BICDL2: variants seen among roughly 807,000 people sequenced by gnomAD.
The protein encoded by BICDL2 is BICD family like cargo adaptor 2, also known as BICD family-like cargo adapter 2.
A neutral mutation model predicts 56.6 loss-of-function variants in BICDL2; 62 were observed. The ratio of observed to expected loss-of-function variants is 1.10; its 90% CI spans 0.89 to 1.35. BICDL2 has a LOEUF of 1.35. BICDL2 is among the 40% of genes most tolerant of loss of function. BICDL2 has a pLI of 0.00. For synonymous variants in BICDL2, 358 were observed against 319.8 expected (o/e 1.12, Z -1.27); for missense variants, 808 against 684.5 (o/e 1.18, Z -2.01).
rs528171556 is a variant in BICDL2, at chr16:3,028,739, A to C, written c.1199T>G (p.Leu400Arg). ...GTCCCGGTCTGAGAGGGCACTGTGC[A>C]GGGCCTCCCCAGGGTCTTCCTGCGC... ...LRAQEDPGEA[L>R]HSALSDRDEA... The change falls in exon 8 of 10, where the codon CTG becomes CGG. Residue 400 changes from leucine (L) to arginine (R), a missense_variant. Physicochemically the swap from Leu to Arg is moderately radical, Grantham distance 102. Transcript: ENST00000572449. The C allele has an allele frequency of 3.7e-5, 58 of 1,565,834 alleles. No individual in the cohort carries two copies. The highest frequency in any genetic ancestry group is 4.9e-5 in the Non-Finnish European group (57 of 1,155,386).
rs1955720959 is a variant in BICDL2 at position 3,035,419 on chromosome 16, G to A, written c.78C>T (p.Phe26=). The A allele has an allele frequency of 6.2e-7, 1 of 1,612,548 alleles. No homozygotes were observed. Among genetic ancestry groups the A allele is most frequent in the Admixed American group, 1.7e-5 (1 of 59,996 alleles). ...CCCGCCGCTCCAGCACAAAGGGGAA[G>A]AAGCCCTCGTCGCCGCTGGGAGAGG... ...GGASPSGDEG[F]FPFVLERRDS... is the part of the protein sequence containing the mutation. The change falls in exon 2 of 10, where the codon TTC becomes TTT. Residue 26 remains phenylalanine (F), a synonymous_variant. Coordinates refer to ENST00000572449, the MANE Select transcript of BICDL2 (RefSeq NM_001369667.1).
chr16:3,036,393 C>T lies in BICDL2; in HGVS notation c.-31+501G>A, dbSNP rs1303136756. The stretch of plus-strand genomic sequence containing the variant: ...CGGCTCAGGGGCTGGGGTTCAGGGG[C>T]TCGGGTCAGAGGGCCCGACACAACA... On this transcript the variant is annotated intron_variant, in intron 1 of 9. Coordinates refer to ENST00000572449, the MANE Select transcript of BICDL2 (RefSeq NM_001369667.1). 1.1e-5 allele frequency: 5 copies of T among 452,728 alleles called. No homozygotes were observed. In the Admixed American group the frequency reaches 1.2e-4, roughly 11 times the overall value. The allele number at this position is 452,728 out of a possible 1,614,324, so 28.0% of individuals were successfully genotyped here.
intron 1 of BICDL2, chr16:3,036,523 G>C: frequency 2.2e-6 from 1 of 455,966 alleles, no homozygotes; most frequent in South Asian, 1.5e-5. Flanking sequence ...CCTGCTCGCA[G>C]GACGTGAGTG....
In BICDL2 at chr16:3,027,998, G is replaced by A; in HGVS notation, c.*108C>T. 6 of 1,340,622 alleles carry A rather than the reference G, an allele frequency of 4.5e-6. No individual in the cohort carries two copies. The highest frequency in any genetic ancestry group is 4.8e-6 in the Non-Finnish European group (5 of 1,036,578). The allele number at this position is 1,340,622 out of a possible 1,614,324, so 83.0% of individuals were successfully genotyped here. A position where few individuals can be genotyped will look rare whatever the true frequency, so the allele number is the denominator to read the frequency against. ...GCCCTTGCCCAGCATCCTGGGGCGG[G>A]GAGGGCATCAGCTTCTTTTGGAAGA... On this transcript the variant is annotated 3_prime_UTR_variant, in exon 10 of 10. Coordinates refer to ENST00000572449, the MANE Select transcript of BICDL2 (RefSeq NM_001369667.1).
Position 3,030,733 on chromosome 16 carries a change from G to T in BICDL2, c.578C>A (p.Ala193Glu). 6.2e-7 allele frequency: 1 copy of T among 1,612,534 alleles called. No homozygotes were observed. ...ACTCTCCAGCCGCGTCCTCAGCTCT[G>T]CTCCAGCCAGTGCCTGAGCCTGGCA... ...GQCQAQALAG[A>E]ELRTRLESLQ... Residue 193 changes from alanine (A) to glutamate (E), a missense_variant, in exon 4 of 10, where the codon GCA becomes GAA. Physicochemically the swap from Ala to Glu is moderately radical, Grantham distance 107 (BLOSUM62 -1). Transcript: ENST00000572449.
At chr16:3,030,035 C>T in intron 5 of BICDL2, 1 of 495,390 alleles carries the variant, frequency 2.0e-6, no homozygotes, top group African/African-American at 2.0e-5. Flanking sequence ...GCTACTGAGG[C>T]TGCTTGTCCC....
chr16:3,033,708 T>C (rs1055185651), intron 2 of BICDL2, among the ~76,000 whole-genome samples: 4 of 151,640 alleles, frequency 2.6e-5, no homozygotes, highest in Admixed American at 2.6e-4. Context: ...TTGCTTGAGC[T>C]CGTGAAGTTG....
Position 3,028,470 on chromosome 16 carries a change from T to A in BICDL2, c.1239-2A>T, listed in dbSNP as rs1463690049. On this transcript the variant is annotated splice_acceptor_variant, in intron 8 of 9. Transcript: ENST00000572449. LOFTEE classifies it high-confidence loss of function. ...AGCTGCAGGGACAGCTCCAGGGCCC[T>A]AGGCGGGCAGGAGCAGAAGACGCGT... The A allele has an allele frequency of 1.3e-6, 2 of 1,571,814 alleles. No homozygotes were observed. Among genetic ancestry groups the A allele is most frequent in the Middle Eastern group, 2.2e-4 (1 of 4,556 alleles).
At position 3,029,783 on chromosome 16, in the gene BICDL2, C is replaced by A. The variant is rs557712751; in HGVS notation, c.763-44G>T. On this transcript the variant is annotated intron_variant, in intron 5 of 9. Transcript: ENST00000572449. ...ACGGAAGCGCGGGCGGTCAGCGGGA[C>A]GCACGCAACGCCGACATCCCGCGGC... The A allele has an allele frequency of 7.7e-6, 11 of 1,428,416 alleles. No homozygotes were observed. The African/African-American group carries it at 1.2e-4, about 16-fold the overall frequency. 88.5% of individuals were successfully genotyped at this position (1,428,416 alleles called of 1,614,324 possible). A position where few individuals can be genotyped will look rare whatever the true frequency, so the allele number is the denominator to read the frequency against.
chr16:3,029,262 C>A lies in BICDL2; in HGVS notation c.1107+18G>T. On this transcript the variant is annotated intron_variant, in intron 7 of 9. Transcript: ENST00000572449. The stretch of plus-strand genomic sequence containing the variant: ...AGCTGGAGGGGCCGTGCATCCAGCA[C>A]CGTGCCCTCTGCCCCACCTCATCTT... 1 of 1,606,724 alleles carries A rather than the reference C, an allele frequency of 6.2e-7. No homozygotes were observed. The highest frequency in any genetic ancestry group is 2.2e-5 in the East Asian group (1 of 44,688).
chr16:3,031,052 G>T lies in BICDL2; in HGVS notation c.381C>A (p.Ala127=), dbSNP rs1367318521. The change falls in exon 3 of 10, where the codon GCC becomes GCA. Residue 127 remains alanine, a synonymous_variant. Coordinates refer to ENST00000572449, the MANE Select transcript of BICDL2 (RefSeq NM_001369667.1). ...RAVELEGDVE[A]LRAQLGEQRS... ...GCTGCTCCCCAAGCTGGGCCCGCAG[G>T]GCCTCCACGTCCCCCTCCAGCTCCA... The T allele has an allele frequency of 1.3e-6, 2 of 1,539,326 alleles. No homozygotes were observed. The highest frequency in any genetic ancestry group is 1.7e-6 in the Non-Finnish European group (2 of 1,147,812).
chr16:3,029,374 T>C lies in BICDL2; in HGVS notation c.1013A>G (p.Glu338Gly), dbSNP rs1955615106. Reference sequence around the variant, plus strand: ...CTTCTTGGGGGGCTCTAAGATCTCTTCCGGGGGTGAAGGCTGGGGGCTGGA... The same window carrying C: ...CTTCTTGGGGGGCTCTAAGATCTCTCCCGGGGGTGAAGGCTGGGGGCTGGA... Reference protein sequence around the residue: ...KASSPQPSPPEEILEPPKKRT... With the variant: ...KASSPQPSPPGEILEPPKKRT... Residue 338 changes from glutamate to glycine, a missense_variant, in exon 7 of 10, where the codon GAA becomes GGA. Glu to Gly is a moderately conservative substitution (Grantham distance 98). Coordinates refer to ENST00000572449, the MANE Select transcript of BICDL2 (RefSeq NM_001369667.1). 6.8e-7 allele frequency: 1 copy of C among 1,476,526 alleles called. No homozygotes were observed. The highest frequency in any genetic ancestry group is 1.4e-5 in the African/African-American group (1 of 70,500). 91.5% of individuals were successfully genotyped at this position (1,476,526 alleles called of 1,614,324 possible). A position where few individuals can be genotyped will look rare whatever the true frequency, so the allele number is the denominator to read the frequency against.
intron 6 of BICDL2, 56 bp downstream of exon 6, chr16:3,029,489 G>A (rs542011017): frequency 1.3e-6 from 2 of 1,578,222 alleles, no homozygotes; most frequent in Middle Eastern, 3.3e-4. Flanking sequence ...AGGAAAGGCG[G>A]AGCCTGCAAC....
chr16:3,031,690 G>A (rs973706466), intron 2 of BICDL2: 1 of 401,380 alleles, frequency 2.5e-6, no homozygotes, highest in Non-Finnish European at 4.4e-6. Context: ...TGAATCGGGG[G>A]TTAACCTCTG....
Position 3,029,449 on chromosome 16 carries a change from G to A in BICDL2, c.958-20C>T. The A allele has an allele frequency of 1.3e-6, 2 of 1,597,694 alleles. No individual in the cohort carries two copies. The highest frequency in any genetic ancestry group is 1.7e-6 in the Non-Finnish European group (2 of 1,176,134). ...GGTGGTCTGTGGGCCAAAGAAATGGGTTAGTGGTGTGGAGTTTATTGGGGA... is the reference window on the plus strand; with the variant it reads ...GGTGGTCTGTGGGCCAAAGAAATGGATTAGTGGTGTGGAGTTTATTGGGGA... On this transcript the variant is annotated intron_variant, in intron 6 of 9. Coordinates refer to ENST00000572449, the MANE Select transcript of BICDL2 (RefSeq NM_001369667.1).
At chr16:3,029,920 A>T (rs1039073024) in intron 5 of BICDL2, 181 bp from the exon 6 acceptor site, 1 of 566,132 alleles carries the variant, frequency 1.8e-6, no homozygotes, top group South Asian at 2.2e-5. Flanking sequence ...GGATATATAC[A>T]GTTTCCTCGC....
At position 3,029,699 on chromosome 16, in the gene BICDL2, G is replaced by A. The variant is rs1955624819; in HGVS notation, c.803C>T (p.Ala268Val). ...GACGCGCCGCTGCAGCCTCCGCAGC[G>A]CACTCAGCGCCTCCCCAGCCTCTGA... ...ARSEAGEALSALRRLQRRVSE... is the reference protein window; with the variant it reads ...ARSEAGEALSVLRRLQRRVSE... The change falls in exon 6 of 10, where the codon GCG becomes GTG. Residue 268 changes from alanine (A) to valine (V), a missense_variant. Transcript: ENST00000572449. 6.5e-7 allele frequency: 1 copy of A among 1,540,632 alleles called. No homozygotes were observed. The highest frequency in any genetic ancestry group is 1.2e-5 in the South Asian group (1 of 84,536).
chr16:3,031,383 G>T, intron 2 of BICDL2: 1 of 576,952 alleles, frequency 1.7e-6, no homozygotes, highest in South Asian at 2.2e-5. Context: ...AAGGGTTGGG[G>T]TGGGGGGATC....
At position 3,035,208 on chromosome 16, in the gene BICDL2, A is replaced by G; in HGVS notation, c.282+7T>C. The G allele has an allele frequency of 3.0e-6, 1 of 328,716 alleles. No individual in the cohort carries two copies. 20.4% of individuals were successfully genotyped at this position (328,716 alleles called of 1,614,324 possible). The stretch of plus-strand genomic sequence containing the variant: ...CCACCCACCCACCCCGTCCAGTGCT[A>G]GCTCACTTCCTCACGCTCCAAGTGC... On this transcript the variant is annotated splice_region_variant and intron_variant, in intron 2 of 9. Transcript: ENST00000572449.
Sources: gnomAD v4.1 joint callset for allele counts (sites outside exome capture counted in the v4.1 genomes callset) on GRCh38, gnomAD v4.1.1 for gene constraint, MANE v1.5 for transcripts, NCBI Gene and HGNC (gene_info 2026-07-23, HGNC 2026-07-21) for gene names.